ADAM11: variants seen among roughly 807,000 people sequenced by gnomAD.
ADAM11 encodes the protein disintegrin and metalloproteinase domain-containing protein 11.
Under a neutral mutation model 119.1 loss-of-function variants are expected in ADAM11, and 49 were observed. The ratio of observed to expected loss-of-function variants is 0.41; its 90% CI spans 0.33 to 0.52. The LOEUF (loss-of-function observed/expected upper bound fraction) is 0.52. ADAM11 is among the 20% of genes least tolerant of loss of function. ADAM11 has a pLI of 0.20. For missense variants in ADAM11, 777 were observed against 1,047.5 expected, an observed-to-expected ratio of 0.74 and a Z score of 3.56; for synonymous variants, 364 against 408.0, an observed-to-expected ratio of 0.89 and a Z score of 1.30.
intron 4 of ADAM11, among the ~76,000 whole-genome samples, chr17:44,770,500 GCC>G (rs796255103): frequency 4.8e-5 from 1 of 20,898 alleles, no homozygotes; most frequent in African/African-American, 7.3e-5. Context: ...CCCCCCCCCC[GCC>G]CCCACTGCCT....
In ADAM11 at chr17:44,772,729, G is replaced by T. The variant is rs900593575; in HGVS notation, c.679-128G>T. ...TGAGGAAGGACAGGACCCTCTGCCA[G>T]TGGGGAGCTGGCACTGTCCCTGGCT... On this transcript the variant is annotated intron_variant, in intron 8 of 26. Transcript: ENST00000200557. The surrounding 1 kb of genome is among the most constrained non-coding windows in gnomAD (Gnocchi z 4.5). 6.4e-5 allele frequency: 61 copies of T among 948,450 alleles called. No homozygotes were observed. The highest frequency in any genetic ancestry group is 8.5e-5 in the Non-Finnish European group (53 of 619,966). 58.8% of individuals were successfully genotyped at this position (948,450 alleles called of 1,614,324 possible).
At chr17:44,763,328 C>T (rs1415445597) in intron 2 of ADAM11, among the ~76,000 whole-genome samples, 1 of 152,244 alleles carries the variant, frequency 6.6e-6, no homozygotes, top group East Asian at 1.9e-4. Context: ...CCAAGTGACA[C>T]AGCACTTGAG....
At chr17:44,779,611 C>T (rs2049663956) in intron 26 of ADAM11, 128 bp from the exon 27 acceptor site, 12 of 1,489,252 alleles carry the variant, frequency 8.1e-6, no homozygotes, top group Non-Finnish European at 1.1e-5. Flanking sequence ...CCCGCAGATC[C>T]CTTCCCTGGC....
chr17:44,759,417 C>T (rs1290548517), intron 1 of ADAM11, 157 bp downstream of exon 1: 3 of 1,256,504 alleles, frequency 2.4e-6, no homozygotes, highest in South Asian at 5.9e-5. Context: ...GAAGGTGCGT[C>T]CACCCACCTG....
At chr17:44,779,186 CT>C (rs1457895240) in intron 25 of ADAM11, 35 bp from the exon 26 acceptor site, 6 of 1,585,108 alleles carry the variant, frequency 3.8e-6, no homozygotes, top group Admixed American at 3.7e-5. Flanking sequence ...CAGATGTCTC[CT>C]TTTCCTCTCC....
At position 44,780,102 on chromosome 17, in the gene ADAM11, C is replaced by CAG. The variant is rs1262698955; in HGVS notation, c.*348_*349insAG. ...CCCAGGCAGCCACCAGTGGACCTAGCCTGGATGGCCCCTCCTTGCAACCAG... is the reference window on the plus strand; with the variant it reads ...CCCAGGCAGCCACCAGTGGACCTAGCAGCTGGATGGCCCCTCCTTGCAACCAG... On this transcript the variant is annotated 3_prime_UTR_variant, in exon 27 of 27. Transcript: ENST00000200557. The CAG allele has an allele frequency of 4.7e-6, 3 of 634,146 alleles. No homozygotes were observed. In the African/African-American group the frequency reaches 5.4e-5, roughly 11 times the overall value. The allele number at this position is 634,146 out of a possible 1,614,324, so 39.3% of individuals were successfully genotyped here.
chr17:44,759,679 C>G (rs2049365282), intron 1 of ADAM11, 43 bp from the exon 2 acceptor site: 1 of 1,314,408 alleles, frequency 7.6e-7, no homozygotes, highest in South Asian at 3.1e-5. Flanking sequence ...GTCTTCTGCC[C>G]CAGGGTGGGC....
chr17:44,759,317 C>A, intron 1 of ADAM11, 57 bp downstream of exon 1: 1 of 1,340,044 alleles, frequency 7.5e-7, no homozygotes, highest in African/African-American at 1.5e-5. Flanking sequence ...CCGGGATGTG[C>A]GGCGCTTGCT....
At position 44,776,546 on chromosome 17, in the gene ADAM11, G is replaced by A. The variant is rs1475007789; in HGVS notation, c.1567-199G>A. ...TTATCTCCCAGCCCTACGAGGGAGG[G>A]AGGCTGGAGCGGCTCTGGGGCTTGC... On this transcript the variant is annotated intron_variant, in intron 18 of 26. Transcript: ENST00000200557. This position sits in a 1 kb window ranked among gnomAD's most constrained non-coding sequence, Gnocchi z 5.2. Among the ~76,000 whole-genome samples the A allele has an allele frequency of 1.3e-5, 2 of 152,154 alleles. No individual in the cohort carries two copies. Among genetic ancestry groups the A allele is most frequent in the Non-Finnish European group, 2.9e-5 (2 of 68,018 alleles).
chr17:44,781,645 C>G lies in ADAM11; in HGVS notation c.*1891C>G, dbSNP rs1236258394. Reference sequence around the variant, plus strand: ...TGAGACTTCCTGTGACCAGTCCACCCTGGCTCCCAGCTGTCTGTATCCTCC... The same window carrying G: ...TGAGACTTCCTGTGACCAGTCCACCGTGGCTCCCAGCTGTCTGTATCCTCC... On this transcript the variant is annotated 3_prime_UTR_variant, in exon 27 of 27. Transcript: ENST00000200557. 2.0e-5 allele frequency: 3 copies of G among 152,470 alleles called. No homozygotes were observed. Among genetic ancestry groups the G allele is most frequent in the African/African-American group, 7.2e-5 (3 of 41,466 alleles). The allele number at this position is 152,470 out of a possible 1,614,324, so 9.4% of individuals were successfully genotyped here. A position where few individuals can be genotyped will look rare whatever the true frequency, so the allele number is the denominator to read the frequency against.
In ADAM11 at chr17:44,759,746, G is replaced by C. The variant is rs949943045; in HGVS notation, c.86G>C (p.Gly29Ala). Residue 29 changes from glycine to alanine, a missense_variant, in exon 2 of 27, where the codon GGA becomes GCA. Around this residue, in one of 4 missense-constraint regions of ADAM11, gnomAD observed 278 missense variants for 310.1 expected, o/e 0.90. Transcript: ENST00000200557. ...GGTCTTGGGACCCAAGGTCCTGCTG[G>C]AGCTCTGCGATGGGGGGGCTTACCC... ...TPGLGTQGPAGALRWGGLPQL... is the reference protein window; with the variant it reads ...TPGLGTQGPAAALRWGGLPQL... 2 of 1,325,952 alleles carry C rather than the reference G, an allele frequency of 1.5e-6. No individual in the cohort carries two copies. The highest frequency in any genetic ancestry group is 2.9e-5 in the South Asian group (1 of 34,756). 82.1% of individuals were successfully genotyped at this position (1,325,952 alleles called of 1,614,324 possible). A position where few individuals can be genotyped will look rare whatever the true frequency, so the allele number is the denominator to read the frequency against.
At chr17:44,771,872 C>T (rs1451049702) in intron 6 of ADAM11, 41 bp downstream of exon 6, 2 of 1,575,254 alleles carry the variant, frequency 1.3e-6, no homozygotes, top group South Asian at 2.2e-5. Context: ...TCTGGTGGCC[C>T]TGCCAAGCTT....
chr17:44,773,499 G>T lies in ADAM11; in HGVS notation c.992+72G>T. 2 of 1,538,522 alleles carry T rather than the reference G, an allele frequency of 1.3e-6. No individual in the cohort carries two copies. The highest frequency in any genetic ancestry group is 2.3e-5 in the East Asian group (1 of 43,658). ...CAGTGCTTGGGATTACTTAACACCT[G>T]CCCTGTGCTGGCTGCTCCTCTCAGA... On this transcript the variant is annotated intron_variant, in intron 11 of 26. Transcript: ENST00000200557. The surrounding 1 kb of genome is among the most constrained non-coding windows in gnomAD (Gnocchi z 4.6).
chr17:44,773,281 C>A lies in ADAM11; in HGVS notation c.846C>A (p.Asn282Lys). 3 of 1,613,876 alleles carry A rather than the reference C, an allele frequency of 1.9e-6. No homozygotes were observed. The highest frequency in any genetic ancestry group is 2.5e-6 in the Non-Finnish European group (3 of 1,179,888). Residue 282 changes from asparagine to lysine, a missense_variant, in exon 11 of 27, where the codon AAC (asparagine) becomes AAA (lysine). Transcript: ENST00000200557. This position sits in a 1 kb window ranked among gnomAD's most constrained non-coding sequence, Gnocchi z 4.6. The part of the protein sequence containing the change: ...LADVIYKEQL[N>K]TRIVLVAMET... ...CCCAGATATACAAGGAGCAGCTCAA[C>A]ACTCGCATCGTCCTGGTTGCCATGG...
chr17:44,770,227 A>G (rs2049503902), intron 4 of ADAM11, among the ~76,000 whole-genome samples, 179 bp downstream of exon 4: 1 of 152,148 alleles, frequency 6.6e-6, no homozygotes, highest in Non-Finnish European at 1.5e-5. Flanking sequence ...GGGCAGCTTG[A>G]GTGCATAGGG....
Position 44,759,219 on chromosome 17 carries a change from G to T in ADAM11, c.20G>T (p.Trp7Leu). Residue 7 changes from tryptophan (W) to leucine (L), a missense_variant, in exon 1 of 27, where the codon TGG (tryptophan) becomes TTG (leucine). Trp to Leu is a moderately conservative substitution (Grantham distance 61). This residue lies in a region of ADAM11 where 278 missense variants were observed against 310.1 expected (regional missense o/e 0.90). Coordinates refer to ENST00000200557, the MANE Select transcript of ADAM11 (RefSeq NM_002390.6). The stretch of plus-strand genomic sequence containing the variant: ...CGAGCCATGAGGCTGCTGCGGCGCT[G>T]GGCGTTCGCGGCTCTGCTGCTGTCG... MRLLRR[W>L]AFAALLLSLL... 7.0e-7 allele frequency: 1 copy of T among 1,438,580 alleles called. No homozygotes were observed. Among genetic ancestry groups the T allele is most frequent in the Non-Finnish European group, 9.1e-7 (1 of 1,097,596 alleles). The allele number at this position is 1,438,580 out of a possible 1,614,324, so 89.1% of individuals were successfully genotyped here. A position where few individuals can be genotyped will look rare whatever the true frequency, so the allele number is the denominator to read the frequency against.
In ADAM11 at chr17:44,763,370, C is replaced by A. The variant is rs115244174; in HGVS notation, c.237+3473C>A. Among the ~76,000 whole-genome samples, 879 of 152,346 alleles carry A rather than the reference C, an allele frequency of 5.8e-3. 8 individuals are homozygous for A. Among genetic ancestry groups the A allele is most frequent in the African/African-American group, 0.02 (840 of 41,580 alleles). ...GTCAAGACTGATCCTCAAAGCAGGG[C>A]TCTCACCCAGCACGCTGCCACCTCT... On this transcript the variant is annotated intron_variant, in intron 2 of 26. Transcript: ENST00000200557.
Position 44,776,766 on chromosome 17 carries a change from C to G in ADAM11, c.1588C>G (p.Leu530Val). The G allele has an allele frequency of 6.2e-7, 1 of 1,614,178 alleles. No homozygotes were observed. The highest frequency in any genetic ancestry group is 8.5e-7 in the Non-Finnish European group (1 of 1,180,020). ...SSQCPPNLHK[L>V]DGYYCDHEQG... ...ACAGTGCCCGCCTAACCTGCACAAG[C>G]TGGACGGTTACTACTGTGACCATGA... Residue 530 changes from leucine to valine, a missense_variant, in exon 19 of 27, where the codon CTG becomes GTG. Coordinates refer to ENST00000200557, the MANE Select transcript of ADAM11 (RefSeq NM_002390.6). The surrounding 1 kb of genome is among the most constrained non-coding windows in gnomAD (Gnocchi z 5.2).
At position 44,765,610 on chromosome 17, in the gene ADAM11, C is replaced by CTTTTTTTT. The variant is rs748123040; in HGVS notation, c.238-4092_238-4085dup. 7.9e-3 allele frequency among the ~76,000 whole-genome samples: 784 copies of CTTTTTTTT among 99,872 alleles called. 11 individuals carry two copies. Among genetic ancestry groups the CTTTTTTTT allele is most frequent in the African/African-American group, 0.011 (268 of 25,168 alleles). 65.5% of individuals were successfully genotyped at this position (99,872 alleles called of 152,430 possible). ...AATCCTGGTTTTTCTTTTCTTTTCT[C>CTTTTTTTT]TTTTTTTTTTTTTTTTTTTTTTTGT... On this transcript the variant is annotated intron_variant, in intron 2 of 26. Transcript: ENST00000200557.
Sources: gnomAD v4.1 joint callset for allele counts (sites outside exome capture counted in the v4.1 genomes callset) on GRCh38, gnomAD v4.1.1 for gene constraint, gnomAD v4.1.1 regional missense constraint, Gnocchi (gnomAD v3.1) non-coding constraint, MANE v1.5 for transcripts, NCBI Gene and HGNC (gene_info 2026-07-23, HGNC 2026-07-21) for gene names.